Variants in HIRA observed in about 807,000 individuals in gnomAD.
The protein encoded by HIRA is histone cell cycle regulator, also known as protein HIRA.
Under a neutral mutation model 126.6 loss-of-function variants are expected in HIRA, and 13 were observed. That is an observed-to-expected ratio of 0.10 (90% CI 0.07 to 0.16). The LOEUF (loss-of-function observed/expected upper bound fraction) is 0.16, where lower values mean the gene tolerates loss of function less well. HIRA is among the 10% of genes least tolerant of loss of function. The probability of loss-of-function intolerance (pLI) is 1.00; values close to 1 mark genes in which losing one functional copy is unlikely to be tolerated. For synonymous variants in HIRA, 511 were observed against 520.0 expected, an observed-to-expected ratio of 0.98 and a Z score of 0.24; for missense variants, 834 against 1,314.4, an observed-to-expected ratio of 0.63 and a Z score of 5.65.
At chr22:19,391,162 T>C (rs2089177615) in intron 9 of HIRA, among the ~76,000 whole-genome samples, 1 of 152,080 alleles carries the variant, frequency 6.6e-6, no homozygotes, top group Non-Finnish European at 1.5e-5. Flanking sequence ...ACACCGAAAT[T>C]ATAAGGAATA....
chr22:19,369,467 A>G (rs944096116), intron 15 of HIRA, among the ~76,000 whole-genome samples: 2 of 152,106 alleles, frequency 1.3e-5, no homozygotes, highest in Non-Finnish European at 2.9e-5. Flanking sequence ...CTATGAGGAG[A>G]GTTTTCCTGG....
intron 1 of HIRA, among the ~76,000 whole-genome samples, chr22:19,417,354 T>G (rs996499996): frequency 1.3e-5 from 2 of 152,130 alleles, no homozygotes; most frequent in Non-Finnish European, 1.5e-5. Context: ...CTGGGTGCGG[T>G]GGCTCATGCC....
At chr22:19,413,595 C>CTATG (rs1556026328) in intron 1 of HIRA, among the ~76,000 whole-genome samples, 4 of 143,668 alleles carry the variant, frequency 2.8e-5, no homozygotes, top group Non-Finnish European at 3.0e-5. Flanking sequence ...GGGAATGAAA[C>CTATG]TATTTATTTA....
chr22:19,354,626 G>C (rs2088792703), intron 21 of HIRA, among the ~76,000 whole-genome samples: 2 of 152,230 alleles, frequency 1.3e-5, no homozygotes, highest in Admixed American at 1.3e-4. Flanking sequence ...AGAACAGCTA[G>C]ATGTCTTTGT....
chr22:19,333,360 C>T (rs1052923411), intron 24 of HIRA, among the ~76,000 whole-genome samples: 1 of 151,888 alleles, frequency 6.6e-6, no homozygotes, highest in African/African-American at 2.4e-5. Context: ...CAACTTTATG[C>T]TAAGAAATTT....
At position 19,407,294 on chromosome 22, in the gene HIRA, A is replaced by G. The variant is rs1463824202; in HGVS notation, c.212-20T>C. The G allele has an allele frequency of 5.6e-6, 9 of 1,598,912 alleles. No homozygotes were observed. The highest frequency in any genetic ancestry group is 7.7e-6 in the Non-Finnish European group (9 of 1,166,774). Reference sequence around the variant, plus strand: ...CACATGCTGGGAAGAAAAAAAAATAAGGTGATGAAAATCCAGTAGTCATGC... The same window carrying G: ...CACATGCTGGGAAGAAAAAAAAATAGGGTGATGAAAATCCAGTAGTCATGC... On this transcript the variant is annotated intron_variant, in intron 3 of 24. Transcript: ENST00000263208.
Position 19,361,257 on chromosome 22 carries a change from G to T in HIRA, c.2065C>A (p.Gln689Lys), listed in dbSNP as rs1275939520. ...LALKLPIPSPQRAFTLQVSSD... is the reference protein window; with the variant it reads ...LALKLPIPSPKRAFTLQVSSD... Reference sequence around the variant, plus strand: ...CTTACCTGGAGGGTGAATGCTCTCTGGGGGCTTGGAATTGGCAGCTTCAGT... The same window carrying T: ...CTTACCTGGAGGGTGAATGCTCTCTTGGGGCTTGGAATTGGCAGCTTCAGT... Residue 689 changes from glutamine (Q) to lysine (K), a missense_variant, in exon 17 of 25, where the codon CAG becomes AAG. Coordinates refer to ENST00000263208, the MANE Select transcript of HIRA (RefSeq NM_003325.4). 17 of 1,613,990 alleles carry T rather than the reference G, an allele frequency of 1.1e-5. No individual in the cohort carries two copies. Among genetic ancestry groups the T allele is most frequent in the Non-Finnish European group, 1.4e-5 (17 of 1,179,946 alleles).
In HIRA at chr22:19,354,067, C is replaced by T; in HGVS notation, c.2613G>A (p.Arg871=). 3 of 1,613,270 alleles carry T rather than the reference C, an allele frequency of 1.9e-6. No homozygotes were observed. Among genetic ancestry groups the T allele is most frequent in the Non-Finnish European group, 2.5e-6 (3 of 1,179,692 alleles). Residue 871 remains arginine (R), a synonymous_variant, in exon 22 of 25, where the codon AGG becomes AGA. Coordinates refer to ENST00000263208, the MANE Select transcript of HIRA (RefSeq NM_003325.4). Reference sequence around the variant, plus strand: ...TGGCGTCCTGGGATGGCAGGCTGCTCCTAAAGTCTGCACACTGAGCCAGTG... The same window carrying T: ...TGGCGTCCTGGGATGGCAGGCTGCTTCTAAAGTCTGCACACTGAGCCAGTG... ...QDSLAQCADF[R]SSLPSQDAML...
intron 15 of HIRA, among the ~76,000 whole-genome samples, chr22:19,369,647 C>T (rs2040965641): frequency 6.6e-6 from 1 of 152,070 alleles, no homozygotes; most frequent in Non-Finnish European, 1.5e-5. Context: ...AAAATCTCCA[C>T]TGAAGGCCAG....
Position 19,353,365 on chromosome 22 carries a change from C to T in HIRA, c.2839G>A (p.Val947Ile), listed in dbSNP as rs782473677. 7.8e-5 allele frequency: 125 copies of T among 1,612,630 alleles called. 1 individual carries two copies. The Admixed American group carries it at 1.8e-3, about 23-fold the overall frequency. ...HWLLVYARYL[V>I]NEGFEYRLRE... ...CTGCCAGGAGCCTCACCTTCGTTTA[C>T]GAGGTACCGTGCGTAGACGAGGAGC... The change falls in exon 23 of 25, where the codon GTA becomes ATA. Residue 947 changes from valine (V) to isoleucine (I), a missense_variant. By Grantham distance (29) the Val-to-Ile change is conservative. Coordinates refer to ENST00000263208, the MANE Select transcript of HIRA (RefSeq NM_003325.4).
intron 4 of HIRA, 70 bp downstream of exon 4, chr22:19,407,114 G>T: frequency 7.9e-7 from 1 of 1,261,798 alleles, no homozygotes; most frequent in South Asian, 1.2e-5. Flanking sequence ...GGTAGGGAAA[G>T]GTGACTTTGA....
chr22:19,362,924 A>G (rs1053174906), intron 15 of HIRA, among the ~76,000 whole-genome samples: 4 of 151,836 alleles, frequency 2.6e-5, no homozygotes, highest in Non-Finnish European at 2.9e-5. Flanking sequence ...GAAGATAAAA[A>G]GAAGTGAAGA....
chr22:19,334,956 T>C (rs184980085), intron 24 of HIRA, among the ~76,000 whole-genome samples: 63 of 152,292 alleles, frequency 4.1e-4, no homozygotes, highest in Admixed American at 1.2e-3. Context: ...GTTTTTTAGC[T>C]ACGATTCTTT....
chr22:19,365,229 CA>C (rs1382738687), intron 15 of HIRA, among the ~76,000 whole-genome samples: 1 of 152,188 alleles, frequency 6.6e-6, no homozygotes. Context: ...GAAGTTGCAG[CA>C]AGGTATTAGA....
chr22:19,381,040 G>C (rs1174947488), intron 13 of HIRA, among the ~76,000 whole-genome samples: 1 of 152,314 alleles, frequency 6.6e-6, no homozygotes, highest in Admixed American at 6.5e-5. Flanking sequence ...TGCCATCCTA[G>C]CTAATCAATG....
At chr22:19,346,335 G>A (rs2088686571) in intron 24 of HIRA, among the ~76,000 whole-genome samples, 2 of 152,228 alleles carry the variant, frequency 1.3e-5, no homozygotes, top group Non-Finnish European at 2.9e-5. Context: ...GAGAGACTTC[G>A]TCTCAAATAA....
At chr22:19,346,395 C>A (rs2088687327) in intron 24 of HIRA, among the ~76,000 whole-genome samples, 1 of 152,194 alleles carries the variant, frequency 6.6e-6, no homozygotes, top group African/African-American at 2.4e-5. Flanking sequence ...AAGAAGAGCA[C>A]AGAAGGCTCA....
In HIRA at chr22:19,375,716, C is replaced by G. The variant is rs1219086263; in HGVS notation, c.1690G>C (p.Ala564Pro). 6.2e-7 allele frequency: 1 copy of G among 1,614,060 alleles called. No homozygotes were observed. ...TTPSKIEPMKAFDSRFTERSK... is the reference protein window; with the variant it reads ...TTPSKIEPMKPFDSRFTERSK... ...CGCTCTGTGAACCGGGAGTCAAACGCTTTCATGGGTTCGATCTTGGACGGG... is the reference window on the plus strand; with the variant it reads ...CGCTCTGTGAACCGGGAGTCAAACGGTTTCATGGGTTCGATCTTGGACGGG... The change falls in exon 15 of 25, where the codon GCG (alanine) becomes CCG (proline). Residue 564 changes from alanine (A) to proline (P), a missense_variant. Around this residue, in one of 5 missense-constraint regions of HIRA, gnomAD observed 468 missense variants for 574.2 expected, o/e 0.82. Transcript: ENST00000263208.
chr22:19,355,852 C>T lies in HIRA; in HGVS notation c.2469G>A (p.Thr823=), dbSNP rs1245309745. ...GCTGCGTCAGCAAGATCTGTGATAC[C>T]GTCATATCACTTCCTGAGGACAGCA... ...LHSILAGSDM[T]VSQILLTQHG... The change falls in exon 21 of 25, where the codon ACG becomes ACA. Residue 823 remains threonine (T), a synonymous_variant. Transcript: ENST00000263208. 5.6e-6 allele frequency: 9 copies of T among 1,611,362 alleles called. No homozygotes were observed. In the East Asian group the frequency reaches 6.7e-5, roughly 12 times the overall value.
Sources: allele counts gnomAD v4.1 joint callset (sites outside exome capture counted in the v4.1 genomes callset), GRCh38; gene constraint gnomAD v4.1.1; regional missense constraint gnomAD v4.1.1; transcripts MANE v1.5; gene names NCBI Gene and HGNC (gene_info 2026-07-23, HGNC 2026-07-21).